Variants in SCYL2 observed in about 807,000 individuals in gnomAD.
SCYL2 encodes the protein SCY1 like pseudokinase 2.
In SCYL2, 36 loss-of-function variants were observed where a neutral mutation model predicts 100.4. That is an observed-to-expected ratio of 0.36 (90% confidence interval 0.27 to 0.47). SCYL2 has a LOEUF of 0.47. Ranked by LOEUF, SCYL2 falls within the 20% of genes least tolerant of loss-of-function variation. SCYL2 has a pLI of 1.00. For missense variants in SCYL2, 902 were observed against 1,083.9 expected, an observed-to-expected ratio of 0.83 and a Z score of 2.36; for synonymous variants, 330 against 359.2, an observed-to-expected ratio of 0.92 and a Z score of 0.92.
intron 11 of SCYL2, 77 bp downstream of exon 11, chr12:100,323,715 C>A: frequency 1.3e-6 from 1 of 753,462 alleles, no homozygotes; most frequent in South Asian, 1.7e-5. Context: ...TGTTTAATAA[C>A]CCTTTTATAG....
intron 1 of SCYL2, among the ~76,000 whole-genome samples, chr12:100,271,581 ATTG>A (rs1206438105): frequency 2.6e-5 from 4 of 152,098 alleles, no homozygotes; most frequent in Non-Finnish European, 5.9e-5. Flanking sequence ...TTTGTTTTAT[ATTG>A]TTGTTCTTTG....
chr12:100,326,557 C>A, intron 11 of SCYL2, 65 bp from the exon 12 acceptor site: 1 of 1,189,144 alleles, frequency 8.4e-7, no homozygotes, highest in Non-Finnish European at 1.2e-6. Context: ...TAAGTTTACA[C>A]TTAAATATTT....
rs1360362699 is a variant in SCYL2, at chr12:100,294,875, G to A, written c.336-3156G>A. ...CATTTCCCAGACGGGGTGGCTGCCG[G>A]GCGGAGAGGCTCCTCACTTCTCAGA... On this transcript the variant is annotated intron_variant, in intron 3 of 17. Coordinates refer to ENST00000360820, the MANE Select transcript of SCYL2 (RefSeq NM_017988.6). Among the ~76,000 whole-genome samples the A allele has an allele frequency of 5.3e-3, 807 of 151,856 alleles. 7 individuals are homozygous for A. Among genetic ancestry groups the A allele is most frequent in the African/African-American group, 0.019 (769 of 41,370 alleles).
At chr12:100,291,028 A>G (rs533507696) in intron 2 of SCYL2, among the ~76,000 whole-genome samples, 1 of 152,354 alleles carries the variant, frequency 6.6e-6, no homozygotes, top group African/African-American at 2.4e-5. Flanking sequence ...ATAGGAAGGT[A>G]TGAGATAGAA....
In SCYL2 at chr12:100,291,914, T is replaced by C. The variant is rs987737602; in HGVS notation, c.335+254T>C. The C allele has an allele frequency of 5.6e-5, 21 of 375,952 alleles. No individual in the cohort carries two copies. In the Admixed American group the frequency reaches 7.9e-4, roughly 14 times the overall value. 23.3% of individuals were successfully genotyped at this position (375,952 alleles called of 1,614,324 possible). A position where few individuals can be genotyped will look rare whatever the true frequency, so the allele number is the denominator to read the frequency against. ...GGCTACCCTGTGCTCATGACTACAA[T>C]AGTCAAAATAGAACATACAAGGGTA... On this transcript the variant is annotated intron_variant, in intron 3 of 17. Transcript: ENST00000360820.
chr12:100,293,821 G>T (rs1035786753), intron 3 of SCYL2, among the ~76,000 whole-genome samples: 14 of 152,172 alleles, frequency 9.2e-5, no homozygotes, highest in Admixed American at 9.2e-4. Flanking sequence ...CACAGCACAT[G>T]TTTCAGAGAG....
rs1214146197 is a variant in SCYL2 at position 100,341,042 on chromosome 12, TTAA to T, written c.*1873_*1875del. 2.0e-5 allele frequency: 3 copies of T among 152,086 alleles called. No homozygotes were observed. Among genetic ancestry groups the T allele is most frequent in the Non-Finnish European group, 4.4e-5 (3 of 67,928 alleles). The allele number at this position is 152,086 out of a possible 1,614,324, so 9.4% of individuals were successfully genotyped here. A position where few individuals can be genotyped will look rare whatever the true frequency, so the allele number is the denominator to read the frequency against. On this transcript the variant is annotated 3_prime_UTR_variant, in exon 18 of 18. Transcript: ENST00000360820. ...TTGAACTCTTAAACAGAAAGAAAGC[TTAA>T]TATAACAGCTTATAGAACTTGAACT...
chr12:100,318,833 C>T (rs2096352429), intron 10 of SCYL2, among the ~76,000 whole-genome samples: 1 of 152,134 alleles, frequency 6.6e-6, no homozygotes, highest in East Asian at 1.9e-4. Flanking sequence ...ACTTTTGTTC[C>T]ACAAAGGCCA....
intron 13 of SCYL2, among the ~76,000 whole-genome samples, chr12:100,330,358 C>T (rs1200975914): frequency 6.6e-6 from 1 of 152,178 alleles, no homozygotes; most frequent in South Asian, 2.1e-4. Flanking sequence ...CTGCATACCT[C>T]TATCGCTGTT....
intron 7 of SCYL2, 70 bp downstream of exon 7, chr12:100,313,608 GT>G: frequency 1.2e-6 from 1 of 817,590 alleles, no homozygotes; most frequent in Non-Finnish European, 2.0e-6. Context: ...AAGTTTTTGG[GT>G]TTTAAAAAAA....
chr12:100,295,387 C>G (rs1455975914), intron 3 of SCYL2, among the ~76,000 whole-genome samples: 1 of 152,248 alleles, frequency 6.6e-6, no homozygotes, highest in African/African-American at 2.4e-5. Flanking sequence ...GATCACGCCA[C>G]TGCACTCCAG....
intron 4 of SCYL2, among the ~76,000 whole-genome samples, chr12:100,307,678 A>G (rs2096336329): frequency 6.6e-6 from 1 of 152,230 alleles, no homozygotes; most frequent in African/African-American, 2.4e-5. Context: ...TTTGCACAGC[A>G]AAAGAAACTA....
At chr12:100,319,424 G>A (rs556196214) in intron 10 of SCYL2, 2 of 310,204 alleles carry the variant, frequency 6.4e-6, no homozygotes, top group East Asian at 1.7e-4. Flanking sequence ...AAGATTAAGT[G>A]ACATGAAATC....
At chr12:100,329,601 T>C (rs1469754347) in intron 13 of SCYL2, among the ~76,000 whole-genome samples, 1 of 152,156 alleles carries the variant, frequency 6.6e-6, no homozygotes, top group East Asian at 1.9e-4. Context: ...TAGAATGTGT[T>C]TGGGGAGTAT....
chr12:100,317,719 CT>C (rs1263798095), intron 9 of SCYL2, 83 bp from the exon 10 acceptor site: 170 of 1,453,704 alleles, frequency 1.2e-4, no homozygotes, highest in Non-Finnish European at 1.3e-4. Context: ...ATGAGTTATT[CT>C]TTTGAAGAAG....
At chr12:100,270,859 C>T (rs2096286864) in intron 1 of SCYL2, among the ~76,000 whole-genome samples, 1 of 151,668 alleles carries the variant, frequency 6.6e-6, no homozygotes, top group Non-Finnish European at 1.5e-5. Flanking sequence ...CTTCTTGTTT[C>T]TCCCCCTGCA....
rs1235760647 is a variant in SCYL2, at chr12:100,334,156, A to G, written c.1762-10A>G. 3.4e-6 allele frequency: 5 copies of G among 1,477,634 alleles called. No individual in the cohort carries two copies. The highest frequency in any genetic ancestry group is 4.7e-6 in the Non-Finnish European group (5 of 1,060,658). 91.5% of individuals were successfully genotyped at this position (1,477,634 alleles called of 1,614,324 possible). A position where few individuals can be genotyped will look rare whatever the true frequency, so the allele number is the denominator to read the frequency against. On this transcript the variant is annotated splice_polypyrimidine_tract_variant and intron_variant, in intron 13 of 17. Coordinates refer to ENST00000360820, the MANE Select transcript of SCYL2 (RefSeq NM_017988.6). ...AACATTGTAACCATATCAATTTCTCATTATACCAGTTCAATTCTTTCATTT... is the reference window on the plus strand; with the variant it reads ...AACATTGTAACCATATCAATTTCTCGTTATACCAGTTCAATTCTTTCATTT...
chr12:100,276,331 C>G (rs972973485), intron 1 of SCYL2, among the ~76,000 whole-genome samples: 2 of 151,798 alleles, frequency 1.3e-5, no homozygotes, highest in African/African-American at 4.8e-5. Context: ...TATTTTCTTT[C>G]TTTTTATTTT....
chr12:100,289,034 A>G (rs1412969438), intron 2 of SCYL2, among the ~76,000 whole-genome samples: 1 of 152,068 alleles, frequency 6.6e-6, no homozygotes, highest in East Asian at 1.9e-4. Flanking sequence ...ATACATTTAT[A>G]AAATGTGTTA....
Sources: gnomAD v4.1 joint callset for allele counts (sites outside exome capture counted in the v4.1 genomes callset) on GRCh38, gnomAD v4.1.1 for gene constraint, MANE v1.5 for transcripts, NCBI Gene and HGNC (gene_info 2026-07-23, HGNC 2026-07-21) for gene names.